Variants in PARD3 observed in about 807,000 individuals in gnomAD.
PARD3 encodes par-3 family cell polarity regulator, also known as partitioning defective 3 homolog.
PARD3 carries 75 observed loss-of-function variants against 155.4 expected under a neutral mutation model. That is an observed-to-expected ratio of 0.48 (90% confidence interval 0.40 to 0.58). PARD3 has a LOEUF of 0.58. Ranked by LOEUF, PARD3 falls within the 20% of genes least tolerant of loss-of-function variation. The pLI is 0.00. For synonymous variants in PARD3, 576 were observed against 610.5 expected (o/e 0.94, Z 0.83); for missense variants, 1,642 against 1,721.7 (o/e 0.95, Z 0.82).
intron 4 of PARD3, among the ~76,000 whole-genome samples, chr10:34,463,450 T>C (rs1280214811): frequency 6.6e-6 from 1 of 151,916 alleles, no homozygotes; most frequent in Non-Finnish European, 1.5e-5. Context: ...ACAGAAACAG[T>C]AGACAGAAAC....
chr10:34,449,666 C>T (rs1393340639), intron 5 of PARD3, among the ~76,000 whole-genome samples: 1 of 151,588 alleles, frequency 6.6e-6, no homozygotes, highest in Non-Finnish European at 1.5e-5. Context: ...GAAAGGAGGA[C>T]TTTGCTAAGT....
intron 1 of PARD3, among the ~76,000 whole-genome samples, chr10:34,753,713 G>A (rs1284169876): frequency 2.0e-5 from 3 of 152,178 alleles, no homozygotes; most frequent in Admixed American, 2.0e-4. Flanking sequence ...AAATCCAAGA[G>A]GACATAGGTT....
At chr10:34,511,336 T>C (rs2081386221) in intron 3 of PARD3, among the ~76,000 whole-genome samples, 1 of 152,224 alleles carries the variant, frequency 6.6e-6, no homozygotes, top group South Asian at 2.1e-4. Flanking sequence ...CCTTGATTAT[T>C]ATTTTTTAAT....
intron 22 of PARD3, among the ~76,000 whole-genome samples, chr10:34,227,881 T>TATATATATATACATAC (rs1199483392): frequency 7.5e-6 from 1 of 133,738 alleles, no homozygotes; most frequent in Non-Finnish European, 1.6e-5. Context: ...TATATATATA[T>TATATATATATACATAC]ATACTGGGAA....
intron 23 of PARD3, among the ~76,000 whole-genome samples, chr10:34,120,861 G>A (rs962488599): frequency 6.6e-6 from 1 of 152,086 alleles, no homozygotes; most frequent in Admixed American, 6.5e-5. Context: ...TTCAAGACCA[G>A]CCTGGGCACC....
chr10:34,721,759 A>G (rs1450719622), intron 1 of PARD3, among the ~76,000 whole-genome samples: 1 of 152,256 alleles, frequency 6.6e-6, no homozygotes. Context: ...CTAAAGCACT[A>G]AATACCACTG....
chr10:34,334,236 C>A (rs1334928046), intron 18 of PARD3, among the ~76,000 whole-genome samples: 1 of 150,250 alleles, frequency 6.7e-6, no homozygotes, highest in Non-Finnish European at 1.5e-5. Context: ...AATATTTATC[C>A]CCAAAATATG....
intron 2 of PARD3, among the ~76,000 whole-genome samples, chr10:34,589,632 T>C (rs911658435): frequency 8.0e-5 from 7 of 87,678 alleles, no homozygotes; most frequent in Non-Finnish European, 1.4e-4. Flanking sequence ...TATAAGTACA[T>C]GTCCAAAAAA....
intron 2 of PARD3, among the ~76,000 whole-genome samples, chr10:34,557,619 C>T (rs2085108741): frequency 6.6e-6 from 1 of 152,078 alleles, no homozygotes; most frequent in Non-Finnish European, 1.5e-5. Flanking sequence ...GCTGGGATTA[C>T]AGGCGTCCGC....
chr10:34,737,133 A>G (rs1307838367), intron 1 of PARD3, among the ~76,000 whole-genome samples: 2 of 152,160 alleles, frequency 1.3e-5, no homozygotes, highest in Non-Finnish European at 2.9e-5. Flanking sequence ...AGAAAGGGGG[A>G]CGGAGAGAAG....
At chr10:34,562,762 T>A (rs548739682) in intron 2 of PARD3, among the ~76,000 whole-genome samples, 6 of 152,124 alleles carry the variant, frequency 3.9e-5, no homozygotes, top group African/African-American at 1.4e-4. Flanking sequence ...TATTTTAATT[T>A]TTTTTTTTTA....
chr10:34,722,136 T>C (rs914387470), intron 1 of PARD3, among the ~76,000 whole-genome samples: 4 of 152,118 alleles, frequency 2.6e-5, no homozygotes, highest in Middle Eastern at 3.2e-3. Context: ...AAGGCTGCAG[T>C]GAGACATGAT....
rs868587450 is a variant in PARD3 at position 34,186,181 on chromosome 10, G to A, written c.3420-54598C>T. 1.6e-4 allele frequency among the ~76,000 whole-genome samples: 25 copies of A among 151,824 alleles called. 1 individual carries two copies. The highest frequency in any genetic ancestry group is 5.8e-4 in the African/African-American group (24 of 41,352). ...GGAAGAAAAGGAAAGCTCAGGCCAC[G>A]AGGACACAACTTCCTCAAAACCCAG... On this transcript the variant is annotated intron_variant, in intron 22 of 24. Transcript: ENST00000374788.
chr10:34,520,934 T>C (rs760866295), intron 2 of PARD3, among the ~76,000 whole-genome samples: 3 of 152,164 alleles, frequency 2.0e-5, no homozygotes, highest in Non-Finnish European at 4.4e-5. Flanking sequence ...TCATCATACT[T>C]TTCATAAGGT....
At chr10:34,363,498 G>A (rs1461611883) in intron 12 of PARD3, among the ~76,000 whole-genome samples, 2 of 152,134 alleles carry the variant, frequency 1.3e-5, no homozygotes, top group East Asian at 3.8e-4. Context: ...CCAGCTTTTA[G>A]AACTTAGTTC....
At chr10:34,205,824 T>A (rs1045649007) in intron 22 of PARD3, among the ~76,000 whole-genome samples, 2 of 152,202 alleles carry the variant, frequency 1.3e-5, no homozygotes, top group African/African-American at 4.8e-5. Flanking sequence ...CTGTGGCCAT[T>A]GTAGTTGGCG....
chr10:34,636,371 A>T (rs1170912371), intron 2 of PARD3, among the ~76,000 whole-genome samples: 1 of 151,730 alleles, frequency 6.6e-6, no homozygotes, highest in African/African-American at 2.4e-5. Context: ...CGGGGCTAAC[A>T]CCCCTTTGCT....
At chr10:34,583,907 T>C (rs2087744714) in intron 2 of PARD3, among the ~76,000 whole-genome samples, 1 of 152,198 alleles carries the variant, frequency 6.6e-6, no homozygotes, top group East Asian at 1.9e-4. Context: ...TAGGAACTAA[T>C]TTTAATTACT....
At chr10:34,307,315 C>A (rs1001451153) in intron 20 of PARD3, among the ~76,000 whole-genome samples, 26 of 152,152 alleles carry the variant, frequency 1.7e-4, no homozygotes, top group Admixed American at 9.2e-4. Flanking sequence ...AGTGGAGATG[C>A]CACAGTGGGG....
Sources: allele counts gnomAD v4.1 joint callset (sites outside exome capture counted in the v4.1 genomes callset), GRCh38; gene constraint gnomAD v4.1.1; transcripts MANE v1.5; gene names NCBI Gene and HGNC (gene_info 2026-07-23, HGNC 2026-07-21).